Variants in PRKCH observed in about 807,000 individuals in gnomAD.
The protein encoded by PRKCH is protein kinase C eta type.
PRKCH carries 28 observed loss-of-function variants against 82.5 expected under a neutral mutation model. The observed-to-expected ratio is 0.34, with a 90% CI of 0.25 to 0.47. The LOEUF (loss-of-function observed/expected upper bound fraction) is 0.47, where lower values mean the gene tolerates loss of function less well. PRKCH is among the 20% of genes least tolerant of loss of function. The pLI, the probability that PRKCH is intolerant of heterozygous loss-of-function variation, is 1.00. For missense variants in PRKCH, 705 were observed against 881.8 expected, an observed-to-expected ratio of 0.80 and a Z score of 2.54; for synonymous variants, 322 against 327.4, an observed-to-expected ratio of 0.98 and a Z score of 0.18.
At chr14:61,277,171 C>T (rs1450403794) in intron 1 of PRKCH, among the ~76,000 whole-genome samples, 1 of 152,006 alleles carries the variant, frequency 6.6e-6, no homozygotes, top group Non-Finnish European at 1.5e-5. Context: ...CACAGCACTC[C>T]GGCCTGGGCA....
At chr14:61,413,029 T>G (rs768843637) in intron 2 of PRKCH, among the ~76,000 whole-genome samples, 1 of 152,114 alleles carries the variant, frequency 6.6e-6, no homozygotes, top group Non-Finnish European at 1.5e-5. Flanking sequence ...CTGCTTCTCC[T>G]GTGGTGATTT....
At chr14:61,428,418 G>A (rs973732437) in intron 2 of PRKCH, among the ~76,000 whole-genome samples, 2 of 152,064 alleles carry the variant, frequency 1.3e-5, no homozygotes, top group South Asian at 2.1e-4. Context: ...CCCTCTTTGC[G>A]TCATGGCTTT....
intron 9 of PRKCH, among the ~76,000 whole-genome samples, chr14:61,460,925 G>A (rs1466089950): frequency 6.6e-6 from 1 of 152,332 alleles, no homozygotes; most frequent in East Asian, 1.9e-4. Flanking sequence ...GCCACATGCA[G>A]CCTGGAGAAT....
At chr14:61,536,416 C>T (rs983773709) in intron 12 of PRKCH, among the ~76,000 whole-genome samples, 1 of 152,138 alleles carries the variant, frequency 6.6e-6, no homozygotes, top group Non-Finnish European at 1.5e-5. Flanking sequence ...CTTTCCCGGC[C>T]TGCTGGATCT....
rs1386859300 is a variant in PRKCH at position 61,549,802 on chromosome 14, T to C, written c.2023T>C (p.Ser675Pro). ...TAACCAGGATGAGTTTAGAAACTTT[T>C]CCTATGTGTCTCCAGAATTGCAACC... is the stretch of plus-strand genomic sequence containing the variant. ...MINQDEFRNFSYVSPELQP is the reference protein window; with the variant it reads ...MINQDEFRNFPYVSPELQP The change falls in exon 14 of 14, where the codon TCC becomes CCC. Residue 675 changes from serine to proline, a missense_variant. Around this residue, in one of 5 missense-constraint regions of PRKCH, gnomAD observed 91 missense variants for 81.2 expected, o/e 1.12. Coordinates refer to ENST00000332981, the MANE Select transcript of PRKCH (RefSeq NM_006255.5). 1 of 1,613,952 alleles carries C rather than the reference T, an allele frequency of 6.2e-7. No individual in the cohort carries two copies. The highest frequency in any genetic ancestry group is 1.3e-5 in the African/African-American group (1 of 74,914).
At chr14:61,216,356 T>A (rs2044616306) in intron 1 of PRKCH, among the ~76,000 whole-genome samples, 1 of 151,750 alleles carries the variant, frequency 6.6e-6, no homozygotes, top group Non-Finnish European at 1.5e-5. Context: ...TTCCAGCTAC[T>A]CAGGAGGCTG....
chr14:61,346,961 G>T lies in PRKCH; in HGVS notation c.363+24497G>T, dbSNP rs185162629. ...GCTAATGATGTTGATGTCCTCACAAGCATTGTTTAGGAATGGCTTAGGAAT... is the reference window on the plus strand; with the variant it reads ...GCTAATGATGTTGATGTCCTCACAATCATTGTTTAGGAATGGCTTAGGAAT... On this transcript the variant is annotated intron_variant, in intron 1 of 13. Transcript: ENST00000332981. 6.3e-3 allele frequency among the ~76,000 whole-genome samples: 952 copies of T among 152,224 alleles called. 4 individuals carry two copies. The highest frequency in any genetic ancestry group is 0.011 in the Non-Finnish European group (751 of 68,026).
At chr14:61,416,168 C>T (rs887990524) in intron 2 of PRKCH, among the ~76,000 whole-genome samples, 5 of 151,328 alleles carry the variant, frequency 3.3e-5, no homozygotes, top group African/African-American at 7.3e-5. Context: ...GCCATCCTCC[C>T]ACCCAGCTTC....
In PRKCH at chr14:61,443,761, T is replaced by C. The variant is rs145422310; in HGVS notation, c.578+500T>C. Among the ~76,000 whole-genome samples the C allele has an allele frequency of 1.7e-3, 266 of 152,344 alleles. 2 individuals are homozygous for C. The highest frequency in any genetic ancestry group is 6.3e-3 in the African/African-American group (261 of 41,574). On this transcript the variant is annotated intron_variant, in intron 3 of 13. Coordinates refer to ENST00000332981, the MANE Select transcript of PRKCH (RefSeq NM_006255.5). Reference sequence around the variant, plus strand: ...TATACTGTAATCTAATCCCTAGGAATTAGTAGGAACTAAGATAATTCAACA... The same window carrying C: ...TATACTGTAATCTAATCCCTAGGAACTAGTAGGAACTAAGATAATTCAACA...
Position 61,550,601 on chromosome 14 carries a change from G to T in PRKCH, c.*770G>T, listed in dbSNP as rs962376516. On this transcript the variant is annotated 3_prime_UTR_variant, in exon 14 of 14. Coordinates refer to ENST00000332981, the MANE Select transcript of PRKCH (RefSeq NM_006255.5). ...TGCATTCTGTGAAATGCCTCTCCAC[G>T]TTGCATATGTCACACTTTTGTCTGC... The T allele has an allele frequency of 6.6e-5, 10 of 152,590 alleles. No homozygotes were observed. Among genetic ancestry groups the T allele is most frequent in the Non-Finnish European group, 1.5e-5 (1 of 68,036 alleles). 9.5% of individuals were successfully genotyped at this position (152,590 alleles called of 1,614,324 possible).
In PRKCH at chr14:61,218,545, A is replaced by C. The variant is rs531149650; in HGVS notation, c.-19+30877A>C. 2.0e-4 allele frequency among the ~76,000 whole-genome samples: 31 copies of C among 152,282 alleles called. 1 individual carries two copies. In the South Asian group the frequency reaches 4.8e-3, roughly 23 times the overall value. ...CCACACTGGCCAGGTTCACCAAAAT[A>C]AAATGTTCTCCTGCCCCACCGCCCC... On this transcript the variant is annotated intron_variant, in intron 1 of 3. Coordinates refer to the PRKCH transcript ENST00000555185.
intron 10 of PRKCH, among the ~76,000 whole-genome samples, chr14:61,527,423 A>G (rs1204977644): frequency 6.6e-6 from 1 of 152,174 alleles, no homozygotes; most frequent in African/African-American, 2.4e-5. Context: ...CTATCCGTCT[A>G]TCTCTAAGTG....
chr14:61,199,757 C>T (rs2044466090), intron 1 of PRKCH, among the ~76,000 whole-genome samples: 1 of 152,160 alleles, frequency 6.6e-6, no homozygotes, highest in Non-Finnish European at 1.5e-5. Flanking sequence ...GAGCGCTTAC[C>T]TCTATTATTA....
intron 1 of PRKCH, among the ~76,000 whole-genome samples, chr14:61,248,569 G>T (rs2044907910): frequency 6.6e-6 from 1 of 152,108 alleles, no homozygotes; most frequent in Non-Finnish European, 1.5e-5. Context: ...AGCTTATGTG[G>T]TCAAAAGGGG....
intron 1 of PRKCH, among the ~76,000 whole-genome samples, chr14:61,249,619 T>A (rs1286912476): frequency 1.3e-5 from 2 of 151,812 alleles, no homozygotes; most frequent in East Asian, 1.9e-4. Context: ...CAAATTTTTT[T>A]TTATTATTTT....
At chr14:61,214,648 C>T (rs2044604616) in intron 1 of PRKCH, among the ~76,000 whole-genome samples, 1 of 152,016 alleles carries the variant, frequency 6.6e-6, no homozygotes, top group African/African-American at 2.4e-5. Context: ...TTTTCTCCAG[C>T]CTCCTCCCAA....
intron 1 of PRKCH, among the ~76,000 whole-genome samples, chr14:61,236,881 G>T (rs1380335713): frequency 6.6e-6 from 1 of 152,044 alleles, no homozygotes; most frequent in Non-Finnish European, 1.5e-5. Context: ...GGTCTAAAAA[G>T]GGGATGCATG....
chr14:61,487,160 A>C (rs948071004), intron 10 of PRKCH, among the ~76,000 whole-genome samples: 1 of 152,110 alleles, frequency 6.6e-6, no homozygotes, highest in African/African-American at 2.4e-5. Flanking sequence ...CCACAGAGAC[A>C]CTTCTCTAAT....
At chr14:61,347,513 T>G (rs2046011399) in intron 1 of PRKCH, among the ~76,000 whole-genome samples, 1 of 152,202 alleles carries the variant, frequency 6.6e-6, no homozygotes, top group Non-Finnish European at 1.5e-5. Flanking sequence ...CTAAGGCAAT[T>G]GGAACATCTG....
Sources: gnomAD v4.1 joint callset for allele counts (sites outside exome capture counted in the v4.1 genomes callset) on GRCh38, gnomAD v4.1.1 for gene constraint, gnomAD v4.1.1 regional missense constraint, MANE v1.5 for transcripts, NCBI Gene and HGNC (gene_info 2026-07-23, HGNC 2026-07-21) for gene names.